Variants in PSME4 observed in about 807,000 individuals in gnomAD.
PSME4 encodes the protein proteasome activator subunit 4.
PSME4 carries 89 observed loss-of-function variants against 253.9 expected under a neutral mutation model. The observed-to-expected ratio is 0.35, with a 90% CI of 0.30 to 0.42. The LOEUF (loss-of-function observed/expected upper bound fraction) is 0.42. PSME4 is among the 10% of genes least tolerant of loss of function. PSME4 has a pLI of 1.00. For synonymous variants in PSME4, 851 were observed against 759.2 expected, an observed-to-expected ratio of 1.12 and a Z score of -1.99; for missense variants, 2,014 against 2,195.2, an observed-to-expected ratio of 0.92 and a Z score of 1.65.
intron 29 of PSME4, 29 bp from the exon 30 acceptor site, chr2:53,898,383 AC>A: frequency 6.8e-7 from 1 of 1,479,046 alleles, no homozygotes; most frequent in Non-Finnish European, 9.3e-7. Context: ...GTATTATTTT[AC>A]TATAATACTA....
At chr2:53,868,260 C>T (rs929785463) in intron 44 of PSME4, among the ~76,000 whole-genome samples, 7 of 151,088 alleles carry the variant, frequency 4.6e-5, no homozygotes, top group African/African-American at 1.7e-4. Flanking sequence ...AGTTCAAGAC[C>T]AGCCTGATCA....
Position 53,925,528 on chromosome 2 carries a change from A to G in PSME4, c.1809+11T>C. On this transcript the variant is annotated intron_variant, in intron 14 of 46. Transcript: ENST00000404125. ...AAGCTGGAAGTTTATTTTTTGCAGCAATGTTCTTACCATAAATATTTCTTT... is the reference window on the plus strand; with the variant it reads ...AAGCTGGAAGTTTATTTTTTGCAGCGATGTTCTTACCATAAATATTTCTTT... 1 of 1,513,232 alleles carries G rather than the reference A, an allele frequency of 6.6e-7. No individual in the cohort carries two copies. Among genetic ancestry groups the G allele is most frequent in the Non-Finnish European group, 8.9e-7 (1 of 1,119,624 alleles). The allele number at this position is 1,513,232 out of a possible 1,614,324, so 93.7% of individuals were successfully genotyped here. A position where few individuals can be genotyped will look rare whatever the true frequency, so the allele number is the denominator to read the frequency against.
intron 36 of PSME4, among the ~76,000 whole-genome samples, chr2:53,891,668 T>TGGG (rs773855767): frequency 2.6e-5 from 4 of 151,986 alleles, no homozygotes; most frequent in Non-Finnish European, 4.4e-5. Flanking sequence ...GAGACCAGCC[T>TGGG]GGCCACATGG....
intron 1 of PSME4, among the ~76,000 whole-genome samples, chr2:53,962,036 T>C (rs1418245896): frequency 6.6e-6 from 1 of 152,126 alleles, no homozygotes; most frequent in Non-Finnish European, 1.5e-5. Flanking sequence ...CACCTTCAAA[T>C]AAGGAAGAGG....
chr2:53,866,247 C>G (rs371259233), intron 45 of PSME4, 24 bp from the exon 46 acceptor site: 18 of 1,611,454 alleles, frequency 1.1e-5, no homozygotes, highest in South Asian at 5.5e-5. Context: ...AACCCACATA[C>G]GTTTTAACCT....
chr2:53,946,264 G>C (rs1309821421), intron 3 of PSME4, among the ~76,000 whole-genome samples: 1 of 152,234 alleles, frequency 6.6e-6, no homozygotes, highest in Non-Finnish European at 1.5e-5. Context: ...CTGAAGAACA[G>C]GGTATCACTG....
intron 20 of PSME4, among the ~76,000 whole-genome samples, chr2:53,913,108 T>C (rs534959059): frequency 6.6e-6 from 1 of 152,272 alleles, no homozygotes; most frequent in South Asian, 2.1e-4. Context: ...TAAGGAACAA[T>C]ACAATTCAAA....
intron 24 of PSME4, 67 bp downstream of exon 24, chr2:53,908,253 C>T: frequency 2.4e-6 from 3 of 1,250,520 alleles, no homozygotes; most frequent in Non-Finnish European, 3.4e-6. Flanking sequence ...CTGAATAATA[C>T]CCAAATTACG....
At chr2:53,933,090 T>C (rs1165644137) in intron 8 of PSME4, 4 of 196,684 alleles carry the variant, frequency 2.0e-5, no homozygotes, top group Non-Finnish European at 4.2e-5. Context: ...AAGATTATCA[T>C]CTTAAAATTA....
intron 1 of PSME4, among the ~76,000 whole-genome samples, chr2:53,956,074 G>A (rs1418657010): frequency 6.6e-6 from 1 of 152,132 alleles, no homozygotes; most frequent in Non-Finnish European, 1.5e-5. Context: ...CTTGAGCCCA[G>A]GAGCTTGAGA....
rs372943640 is a variant in PSME4 at position 53,928,333 on chromosome 2, C to T, written c.1317-30G>A. The T allele has an allele frequency of 9.6e-6, 15 of 1,564,022 alleles. No homozygotes were observed. The African/African-American group carries it at 2.0e-4, about 21-fold the overall frequency. ...AGTTTGAAAACAGAATTTTTAAAGT[C>T]TCCATCACAGATATGCATAATACCA... On this transcript the variant is annotated intron_variant, in intron 10 of 46. Coordinates refer to ENST00000404125, the MANE Select transcript of PSME4 (RefSeq NM_014614.3).
At chr2:53,867,512 A>G (rs1573176798) in intron 44 of PSME4, among the ~76,000 whole-genome samples, 1 of 150,450 alleles carries the variant, frequency 6.6e-6, no homozygotes, top group South Asian at 2.1e-4. Context: ...GAAAAAAAAA[A>G]AAAAAAAAAA....
chr2:53,943,787 A>T (rs1489862585), intron 3 of PSME4, among the ~76,000 whole-genome samples: 1 of 145,794 alleles, frequency 6.9e-6, no homozygotes, highest in Non-Finnish European at 1.5e-5. Context: ...GGTTGCGGTG[A>T]GTCCAGATTG....
chr2:53,881,007 ATG>A (rs1679364976), intron 41 of PSME4, among the ~76,000 whole-genome samples: 1 of 152,194 alleles, frequency 6.6e-6, no homozygotes, highest in African/African-American at 2.4e-5. Flanking sequence ...TACGAAAAAA[ATG>A]TGTCTTTCTA....
At chr2:53,952,982 T>C (rs1670066814) in intron 1 of PSME4, among the ~76,000 whole-genome samples, 1 of 152,194 alleles carries the variant, frequency 6.6e-6, no homozygotes, top group Non-Finnish European at 1.5e-5. Flanking sequence ...TTAACATTAG[T>C]TAGGGACATA....
chr2:53,896,968 G>A (rs1680166941), intron 31 of PSME4, 83 bp from the exon 32 acceptor site: 1 of 1,043,942 alleles, frequency 9.6e-7, no homozygotes, highest in African/African-American at 1.6e-5. Context: ...AGCAGAAATA[G>A]GATTCTGTTT....
At chr2:53,908,274 A>G (rs910307703) in intron 24 of PSME4, 46 bp downstream of exon 24, 1 of 1,456,138 alleles carries the variant, frequency 6.9e-7, no homozygotes, top group African/African-American at 1.4e-5. Flanking sequence ...AGGTTATTAT[A>G]CGACTTTAAA....
chr2:53,927,323 C>T, intron 12 of PSME4, 71 bp downstream of exon 12: 1 of 1,111,856 alleles, frequency 9.0e-7, no homozygotes, highest in Non-Finnish European at 1.4e-6. Flanking sequence ...TCTAAACTGT[C>T]AAGTGTTACT....
At chr2:53,906,530 G>C in intron 26 of PSME4, 68 bp downstream of exon 26, 3 of 1,423,992 alleles carry the variant, frequency 2.1e-6, no homozygotes, top group African/African-American at 2.9e-5. Flanking sequence ...CTTCTTAAAA[G>C]GGGGATATTA....
Sources: gnomAD v4.1 joint callset for allele counts (sites outside exome capture counted in the v4.1 genomes callset) on GRCh38, gnomAD v4.1.1 for gene constraint, MANE v1.5 for transcripts, NCBI Gene and HGNC (gene_info 2026-07-23, HGNC 2026-07-21) for gene names.